Variants in DAPP1 observed in about 807,000 individuals in gnomAD.
DAPP1 encodes the protein dual adaptor of phosphotyrosine and 3-phosphoinositides 1.
Under a neutral mutation model 41.5 loss-of-function variants are expected in DAPP1, and 20 were observed. The observed-to-expected ratio is 0.48, with a 90% CI of 0.34 to 0.70. The LOEUF (loss-of-function observed/expected upper bound fraction) is 0.70. Ranked by LOEUF, DAPP1 falls within the 30% of genes least tolerant of loss-of-function variation. The pLI is 0.01. For missense variants in DAPP1, 233 were observed against 333.4 expected, an observed-to-expected ratio of 0.70 and a Z score of 2.35; for synonymous variants, 113 against 116.2, an observed-to-expected ratio of 0.97 and a Z score of 0.18.
At chr4:99,846,553 C>T (rs1442300543) in intron 3 of DAPP1, among the ~76,000 whole-genome samples, 1 of 152,104 alleles carries the variant, frequency 6.6e-6, no homozygotes, top group Non-Finnish European at 1.5e-5. Context: ...TAATAAAATG[C>T]TTTTATGGTT....
chr4:99,831,733 C>A (rs546661606), intron 1 of DAPP1, among the ~76,000 whole-genome samples: 21 of 152,274 alleles, frequency 1.4e-4, no homozygotes, highest in African/African-American at 4.3e-4. Context: ...ACAGTAATAG[C>A]CATTGCCCAA....
intron 8 of DAPP1, among the ~76,000 whole-genome samples, chr4:99,867,259 T>C (rs1161973299): frequency 6.6e-6 from 1 of 152,206 alleles, no homozygotes; most frequent in Admixed American, 6.5e-5. Context: ...TTGTGAAACC[T>C]TTGCTCAGAT....
rs1260231270 is a variant in DAPP1, at chr4:99,816,886, T to C, written c.-28T>C. ...GTGTCAGGAGCAGCCCAGTTGTGTC[T>C]CTCTCTCTACCTCTGTGAAGGGCGC... is the stretch of plus-strand genomic sequence containing the variant. On this transcript the variant is annotated 5_prime_UTR_variant, in exon 1 of 9. Coordinates refer to ENST00000512369, the MANE Select transcript of DAPP1 (RefSeq NM_014395.3). The C allele has an allele frequency of 3.2e-6, 5 of 1,581,472 alleles. No individual in the cohort carries two copies. In the Admixed American group the frequency reaches 5.4e-5, roughly 17 times the overall value.
intron 1 of DAPP1, among the ~76,000 whole-genome samples, chr4:99,828,835 C>T (rs750440460): frequency 2.0e-5 from 3 of 152,122 alleles, no homozygotes; most frequent in Non-Finnish European, 4.4e-5. Flanking sequence ...TACAAATATT[C>T]TTTTGGAGCT....
intron 5 of DAPP1, 95 bp from the exon 6 acceptor site, chr4:99,862,915 T>A (rs1724290179): frequency 1.1e-6 from 1 of 943,168 alleles, no homozygotes; most frequent in Admixed American, 3.7e-5. Flanking sequence ...TTAGATACTT[T>A]TAAAATGAAA....
chr4:99,837,015 T>C (rs1723324262), intron 2 of DAPP1, among the ~76,000 whole-genome samples: 1 of 152,204 alleles, frequency 6.6e-6, no homozygotes, highest in South Asian at 2.1e-4. Context: ...TCTCAACTCC[T>C]AGACGCCACC....
At chr4:99,822,996 C>A (rs974286564) in intron 1 of DAPP1, among the ~76,000 whole-genome samples, 1 of 152,070 alleles carries the variant, frequency 6.6e-6, no homozygotes, top group African/African-American at 2.4e-5. Context: ...TGTTGTTAGA[C>A]CTTCTTTGTT....
intron 3 of DAPP1, 106 bp from the exon 4 acceptor site, chr4:99,853,112 A>C (rs1723921838): frequency 2.3e-6 from 3 of 1,327,700 alleles, no homozygotes; most frequent in Middle Eastern, 2.0e-4. Flanking sequence ...GAGGGAATAC[A>C]TGAAAAAAAC....
intron 1 of DAPP1, among the ~76,000 whole-genome samples, chr4:99,824,521 C>T (rs1281212616): frequency 6.6e-6 from 1 of 152,166 alleles, no homozygotes; most frequent in Non-Finnish European, 1.5e-5. Context: ...AAACAAGAAT[C>T]TGCCTGTATT....
In DAPP1 at chr4:99,869,921, C is replaced by T. The variant is rs1189374315; in HGVS notation, c.*1736C>T. 5 of 151,876 alleles carry T rather than the reference C, an allele frequency of 3.3e-5. No individual in the cohort carries two copies. Among genetic ancestry groups the T allele is most frequent in the Non-Finnish European group, 7.4e-5 (5 of 67,984 alleles). 9.4% of individuals were successfully genotyped at this position (151,876 alleles called of 1,614,324 possible). On this transcript the variant is annotated 3_prime_UTR_variant, in exon 9 of 9. Coordinates refer to ENST00000512369, the MANE Select transcript of DAPP1 (RefSeq NM_014395.3). Reference sequence around the variant, plus strand: ...CTCTAGCCTGGGTGACAGAGTCAGACTCCGTCCCAAAAAAACAAACAAACA... The same window carrying T: ...CTCTAGCCTGGGTGACAGAGTCAGATTCCGTCCCAAAAAAACAAACAAACA...
At chr4:99,837,095 A>G (rs1407478298) in intron 2 of DAPP1, among the ~76,000 whole-genome samples, 5 of 152,246 alleles carry the variant, frequency 3.3e-5, no homozygotes, top group Non-Finnish European at 7.3e-5. Context: ...CATGCCAGCC[A>G]GAACACATCT....
chr4:99,863,849 GT>G lies in DAPP1; in HGVS notation c.685del (p.Cys229ValfsTer17). On this transcript the variant is annotated frameshift_variant, in exon 7 of 9. Transcript: ENST00000512369. LOFTEE classifies it high-confidence loss of function. ...QFDYSQERVN[C>X]FCLVFPFRTF... ...GATTATTCACAAGAAAGGGTAAACT[GT>G]TTTTGGTAAGTTGTTTTATAAAGAA... The G allele has an allele frequency of 6.3e-7, 1 of 1,584,270 alleles. No individual in the cohort carries two copies. Among genetic ancestry groups the G allele is most frequent in the Non-Finnish European group, 8.6e-7 (1 of 1,163,062 alleles).
intron 6 of DAPP1, among the ~76,000 whole-genome samples, 193 bp downstream of exon 6, chr4:99,863,265 C>G (rs916163622): frequency 5.3e-5 from 8 of 152,106 alleles, no homozygotes; most frequent in African/African-American, 1.9e-4. Flanking sequence ...CCAGAAATTG[C>G]TTTCTTGGAT....
At position 99,834,849 on chromosome 4, in the gene DAPP1, C is replaced by G. The variant is rs2110142491; in HGVS notation, c.102-774C>G. Among the ~76,000 whole-genome samples, 4 of 152,246 alleles carry G rather than the reference C, an allele frequency of 2.6e-5. No individual in the cohort carries two copies. The Middle Eastern group carries it at 0.014, about 521-fold the overall frequency. Reference sequence around the variant, plus strand: ...AAGGTGTCAACAGGATTGGTTCCTTCCGAGGGCCGTGAGGGAGAATCTGTT... The same window carrying G: ...AAGGTGTCAACAGGATTGGTTCCTTGCGAGGGCCGTGAGGGAGAATCTGTT... On this transcript the variant is annotated intron_variant, in intron 1 of 8. Coordinates refer to ENST00000512369, the MANE Select transcript of DAPP1 (RefSeq NM_014395.3).
intron 1 of DAPP1, among the ~76,000 whole-genome samples, chr4:99,834,240 A>G (rs1723219524): frequency 2.0e-5 from 3 of 152,238 alleles, no homozygotes; most frequent in South Asian, 4.1e-4. Context: ...GAGTGGAGGT[A>G]CACATCCAAT....
At chr4:99,848,210 G>A (rs1184779681) in intron 3 of DAPP1, among the ~76,000 whole-genome samples, 1 of 149,564 alleles carries the variant, frequency 6.7e-6, no homozygotes, top group Non-Finnish European at 1.5e-5. Flanking sequence ...TAGGGTACAA[G>A]AACAGGGAAC....
At chr4:99,831,562 A>C (rs1376110626) in intron 1 of DAPP1, among the ~76,000 whole-genome samples, 1 of 152,150 alleles carries the variant, frequency 6.6e-6, no homozygotes, top group East Asian at 1.9e-4. Flanking sequence ...TTACTCTTAC[A>C]AACAATTCTG....
At position 99,816,827 on chromosome 4, in the gene DAPP1, G is replaced by T; in HGVS notation, c.-87G>T. On this transcript the variant is annotated 5_prime_UTR_variant, in exon 1 of 9. Transcript: ENST00000512369. ...CACTTCCTTGCCTTGGAGACTCAGA[G>T]CCATAGCAGGCTGCTGTCTCACAGA... 1 of 1,204,758 alleles carries T rather than the reference G, an allele frequency of 8.3e-7. No homozygotes were observed. The highest frequency in any genetic ancestry group is 1.2e-6 in the Non-Finnish European group (1 of 854,854). The allele number at this position is 1,204,758 out of a possible 1,614,324, so 74.6% of individuals were successfully genotyped here. A position where few individuals can be genotyped will look rare whatever the true frequency, so the allele number is the denominator to read the frequency against.
downstream of DAPP1, among the ~76,000 whole-genome samples, chr4:99,871,339 A>G (rs1169103742): frequency 6.6e-6 from 1 of 152,188 alleles, no homozygotes; most frequent in Non-Finnish European, 1.5e-5. Context: ...TCTGCTCTCT[A>G]TGAATTCAGG....
Sources: gnomAD v4.1 joint callset for allele counts (sites outside exome capture counted in the v4.1 genomes callset) on GRCh38, gnomAD v4.1.1 for gene constraint, MANE v1.5 for transcripts, NCBI Gene and HGNC (gene_info 2026-07-23, HGNC 2026-07-21) for gene names.